DEPTOR: variants seen among roughly 807,000 people sequenced by gnomAD.
DEPTOR encodes DEP domain-containing mTOR-interacting protein.
A neutral mutation model predicts 41.6 loss-of-function variants in DEPTOR; 41 were observed. That is an observed-to-expected ratio of 0.98 (90% CI 0.77 to 1.28). The LOEUF is 1.28. Ranked by LOEUF, DEPTOR falls within the 50% of genes most tolerant of loss-of-function variation. The probability of loss-of-function intolerance (pLI) is 0.00; values close to 1 mark genes in which losing one functional copy is unlikely to be tolerated. For missense variants in DEPTOR, 514 were observed against 527.9 expected, an observed-to-expected ratio of 0.97 and a Z score of 0.26; for synonymous variants, 195 against 192.3, an observed-to-expected ratio of 1.01 and a Z score of -0.12.
chr8:120,015,815 G>A (rs1291942092), intron 8 of DEPTOR, among the ~76,000 whole-genome samples: 1 of 152,158 alleles, frequency 6.6e-6, no homozygotes, highest in East Asian at 1.9e-4. Flanking sequence ...TCAGGGGATT[G>A]GTTTGACGAG....
At chr8:119,991,346 C>T (rs1812170212) in intron 4 of DEPTOR, among the ~76,000 whole-genome samples, 2 of 151,946 alleles carry the variant, frequency 1.3e-5, no homozygotes, top group African/African-American at 4.8e-5. Flanking sequence ...AACAGTGTCT[C>T]GCTCTGTTTC....
chr8:119,944,775 C>A (rs1828250375), intron 3 of DEPTOR, among the ~76,000 whole-genome samples: 1 of 151,882 alleles, frequency 6.6e-6, no homozygotes, highest in Non-Finnish European at 1.5e-5. Flanking sequence ...CTGCCTCAGC[C>A]TCCTGAGTAG....
At chr8:120,045,505 G>A (rs1813141825) in intron 8 of DEPTOR, among the ~76,000 whole-genome samples, 1 of 152,050 alleles carries the variant, frequency 6.6e-6, no homozygotes, top group South Asian at 2.1e-4. Flanking sequence ...CAAGTAGCTG[G>A]GACTACTGGC....
intron 4 of DEPTOR, among the ~76,000 whole-genome samples, chr8:119,985,520 T>C (rs1278960223): frequency 6.6e-6 from 1 of 152,170 alleles, no homozygotes; most frequent in Non-Finnish European, 1.5e-5. Context: ...ACTCTTATGA[T>C]AGTTTATTTT....
chr8:119,959,687 CA>C (rs1260218750), intron 3 of DEPTOR, among the ~76,000 whole-genome samples: 8 of 151,908 alleles, frequency 5.3e-5, no homozygotes, highest in Admixed American at 2.6e-4. Context: ...TGCACCACCA[CA>C]CCCAACCAAT....
rs769879920 is a variant in DEPTOR at position 119,929,933 on chromosome 8, T to A, written c.420T>A (p.Tyr140Ter). Residue 140 changes from tyrosine (Y) to a stop codon, truncating the protein, a stop_gained, in exon 3 of 9, where the codon TAT (tyrosine) becomes TAA (stop). Coordinates refer to ENST00000286234, the MANE Select transcript of DEPTOR (RefSeq NM_022783.4). LOFTEE classifies it high-confidence loss of function. ...VKAFMRGQRL[Y>*]EKLMSPENTL... ...CCTTTATGAGAGGACAGAGGCTATATGAAAAGTATGTTCCGCATGAAATCC... is the reference window on the plus strand; with the variant it reads ...CCTTTATGAGAGGACAGAGGCTATAAGAAAAGTATGTTCCGCATGAAATCC... The A allele has an allele frequency of 1.2e-6, 2 of 1,611,534 alleles. No individual in the cohort carries two copies. The highest frequency in any genetic ancestry group is 1.3e-5 in the African/African-American group (1 of 74,892).
intron 3 of DEPTOR, among the ~76,000 whole-genome samples, chr8:119,962,998 G>C (rs780252280): frequency 3.9e-5 from 6 of 152,168 alleles, no homozygotes; most frequent in Non-Finnish European, 5.9e-5. Flanking sequence ...CGTGAGCTCA[G>C]TTTTGGGCTT....
intron 1 of DEPTOR, among the ~76,000 whole-genome samples, chr8:119,903,030 A>G (rs1827615286): frequency 6.6e-6 from 1 of 152,202 alleles, no homozygotes; most frequent in South Asian, 2.1e-4. Flanking sequence ...TTACTACTCT[A>G]TGCCCAGTGC....
chr8:120,013,554 C>T (rs933490440), intron 8 of DEPTOR, among the ~76,000 whole-genome samples: 2 of 152,142 alleles, frequency 1.3e-5, no homozygotes, highest in South Asian at 2.1e-4. Context: ...TCCTGGGGTG[C>T]CCTGTGGGAA....
Position 119,914,441 on chromosome 8 carries a change from CT to C in DEPTOR, c.123-13950del, listed in dbSNP as rs11435363. 1.1e-4 allele frequency among the ~76,000 whole-genome samples: 17 copies of C among 149,766 alleles called. No individual in the cohort carries two copies. The South Asian group carries it at 2.3e-3, about 21-fold the overall frequency. ...TCAGTATCATCAGCATCACCCAAGCCTTTTTTTTTCTTTTTTGAGATGAAGT... is the reference window on the plus strand; with the variant it reads ...TCAGTATCATCAGCATCACCCAAGCCTTTTTTTTCTTTTTTGAGATGAAGT... On this transcript the variant is annotated intron_variant, in intron 1 of 8. Transcript: ENST00000286234.
At chr8:120,031,250 T>G (rs952986578) in intron 8 of DEPTOR, among the ~76,000 whole-genome samples, 1 of 152,034 alleles carries the variant, frequency 6.6e-6, no homozygotes, top group Non-Finnish European at 1.5e-5. Context: ...GTGGATCACC[T>G]GAGGTCAGGA....
chr8:119,942,128 C>T (rs1003571614), intron 3 of DEPTOR, among the ~76,000 whole-genome samples: 1 of 152,200 alleles, frequency 6.6e-6, no homozygotes, highest in African/African-American at 2.4e-5. Flanking sequence ...CAGAAGCCAT[C>T]AGCCCTAGAT....
chr8:119,936,004 T>G (rs930083803), intron 3 of DEPTOR, among the ~76,000 whole-genome samples: 7 of 150,708 alleles, frequency 4.6e-5, no homozygotes, highest in African/African-American at 1.2e-4. Flanking sequence ...TAGTTGTTTT[T>G]TTTTTTTTTT....
rs1812383171 is a variant in DEPTOR at position 120,003,202 on chromosome 8, G to A, written c.925+91G>A. On this transcript the variant is annotated intron_variant, in intron 6 of 8. Transcript: ENST00000286234. ...GAATCTGAGATAGCGGGAGACTAGT[G>A]TGTGGGTTCTAATAAGTTAGAGCAT... 3 of 1,552,396 alleles carry A rather than the reference G, an allele frequency of 1.9e-6. No homozygotes were observed. The African/African-American group carries it at 4.1e-5, about 21-fold the overall frequency.
At chr8:120,021,473 A>G (rs1265841569) in intron 8 of DEPTOR, among the ~76,000 whole-genome samples, 2 of 152,166 alleles carry the variant, frequency 1.3e-5, no homozygotes, top group Non-Finnish European at 2.9e-5. Flanking sequence ...ATCAACAATA[A>G]ATATTTCTGG....
intron 1 of DEPTOR, among the ~76,000 whole-genome samples, chr8:119,894,796 A>T (rs1325154623): frequency 6.6e-6 from 1 of 152,194 alleles, no homozygotes; most frequent in African/African-American, 2.4e-5. Flanking sequence ...TTGGACTTTC[A>T]TAGAAAGTTC....
At chr8:120,003,231 C>CTT in intron 6 of DEPTOR, 120 bp downstream of exon 6, 1 of 1,493,608 alleles carries the variant, frequency 6.7e-7, no homozygotes, top group South Asian at 1.3e-5. Flanking sequence ...AGAGCATGCT[C>CTT]TTGGGGTCCA....
chr8:119,917,712 G>A lies in DEPTOR; in HGVS notation c.123-10688G>A, dbSNP rs188562785. Among the ~76,000 whole-genome samples, 23 of 152,278 alleles carry A rather than the reference G, an allele frequency of 1.5e-4. 1 individual carries two copies. Among genetic ancestry groups the A allele is most frequent in the African/African-American group, 4.8e-4 (20 of 41,564 alleles). On this transcript the variant is annotated intron_variant, in intron 1 of 8. Transcript: ENST00000286234. ...CTGACCTTTCCCCAGCCCAACACCC[G>A]TAAAGGGTCTGTGCTGAGGAGGATT...
chr8:119,974,262 A>AG (rs1491153384), intron 4 of DEPTOR, among the ~76,000 whole-genome samples: 1 of 146,334 alleles, frequency 6.8e-6, no homozygotes, highest in African/African-American at 2.5e-5. Flanking sequence ...AAAAAAAAAA[A>AG]AGAGAAAGAA....
Sources: gnomAD v4.1 joint callset for allele counts (sites outside exome capture counted in the v4.1 genomes callset) on GRCh38, gnomAD v4.1.1 for gene constraint, MANE v1.5 for transcripts, NCBI Gene and HGNC (gene_info 2026-07-23, HGNC 2026-07-21) for gene names.